KAT6B: variants seen among roughly 807,000 people sequenced by gnomAD.
KAT6B encodes the protein histone acetyltransferase KAT6B.
A neutral mutation model predicts 187.5 loss-of-function variants in KAT6B; 10 were observed. That is an observed-to-expected ratio of 0.05 (90% CI 0.03 to 0.09). The LOEUF (loss-of-function observed/expected upper bound fraction) is 0.09. KAT6B is among the 10% of genes least tolerant of loss of function. The pLI, the probability that KAT6B is intolerant of heterozygous loss-of-function variation, is 1.00. For missense variants in KAT6B, 1,952 were observed against 2,558.9 expected (o/e 0.76, Z 5.12); for synonymous variants, 861 against 926.8 (o/e 0.93, Z 1.29).
chr10:74,848,284 T>C (rs1156235174), intron 3 of KAT6B, among the ~76,000 whole-genome samples: 1 of 152,214 alleles, frequency 6.6e-6, no homozygotes, highest in African/African-American at 2.4e-5. Context: ...ATGGGCTAGA[T>C]GCGGCCCTGA....
chr10:74,952,689 T>A (rs922321028), intron 3 of KAT6B, among the ~76,000 whole-genome samples: 25 of 149,886 alleles, frequency 1.7e-4, no homozygotes, highest in Admixed American at 1.5e-3. Flanking sequence ...CACAGAAGAG[T>A]CTTTTTTTTT....
intron 3 of KAT6B, among the ~76,000 whole-genome samples, chr10:74,912,968 A>C (rs979639430): frequency 2.6e-5 from 4 of 152,190 alleles, no homozygotes; most frequent in African/African-American, 9.7e-5. Context: ...TGTTCAGTCA[A>C]TTGCAAAAAA....
At chr10:75,022,633 C>T (rs1470472573) in intron 16 of KAT6B, among the ~76,000 whole-genome samples, 1 of 152,204 alleles carries the variant, frequency 6.6e-6, no homozygotes, top group Non-Finnish European at 1.5e-5. Flanking sequence ...AATGCGTGCT[C>T]AAGACTCTAA....
intron 3 of KAT6B, among the ~76,000 whole-genome samples, chr10:74,889,038 A>G (rs898797932): frequency 7.2e-5 from 11 of 152,184 alleles, no homozygotes; most frequent in African/African-American, 2.7e-4. Flanking sequence ...ACTAATTTAA[A>G]CTCTTGGTGA....
chr10:74,837,529 AAG>A (rs1666891967), intron 1 of KAT6B, among the ~76,000 whole-genome samples: 1 of 152,242 alleles, frequency 6.6e-6, no homozygotes. Flanking sequence ...TGCTCTGAAA[AAG>A]AGAAATAGTG....
In KAT6B at chr10:74,978,355, A is replaced by G. The variant is rs1842296884; in HGVS notation, c.2116-869A>G. On this transcript the variant is annotated intron_variant, in intron 9 of 17. Coordinates refer to ENST00000287239, the MANE Select transcript of KAT6B (RefSeq NM_012330.4). ...AACCAGCCCAGGTTGGAAATGGAGC[A>G]GGTCAAAACTCCTACGTTGATCAGT... Among the ~76,000 whole-genome samples the G allele has an allele frequency of 2.6e-5, 4 of 152,364 alleles. No homozygotes were observed. The South Asian group carries it at 6.2e-4, about 24-fold the overall frequency.
chr10:74,898,043 G>A (rs1372637072), intron 3 of KAT6B, among the ~76,000 whole-genome samples: 1 of 151,988 alleles, frequency 6.6e-6, no homozygotes, highest in African/African-American at 2.4e-5. Flanking sequence ...GTGTTTGCTG[G>A]AATTTTTCTT....
chr10:75,006,541 C>T (rs1013646913), intron 13 of KAT6B, among the ~76,000 whole-genome samples: 2 of 152,116 alleles, frequency 1.3e-5, no homozygotes, highest in Non-Finnish European at 2.9e-5. Flanking sequence ...GCCTCACCTC[C>T]TAGACTCAAG....
chr10:74,949,887 A>G (rs1222942006), intron 3 of KAT6B, among the ~76,000 whole-genome samples: 2 of 152,216 alleles, frequency 1.3e-5, no homozygotes, highest in African/African-American at 4.8e-5. Flanking sequence ...CCTTACTGTC[A>G]CTTAAAATAT....
chr10:75,021,630 A>G (rs1845411776), intron 15 of KAT6B, among the ~76,000 whole-genome samples: 1 of 152,214 alleles, frequency 6.6e-6, no homozygotes, highest in South Asian at 2.1e-4. Flanking sequence ...TGAGCATGTA[A>G]TGTAGTGATA....
intron 13 of KAT6B, among the ~76,000 whole-genome samples, chr10:74,995,354 A>G (rs544950002): frequency 6.6e-6 from 1 of 152,150 alleles, no homozygotes; most frequent in African/African-American, 2.4e-5. Context: ...TTTGTTTTTT[A>G]TTTTATACTT....
chr10:74,997,080 G>T (rs1231559119), intron 13 of KAT6B, among the ~76,000 whole-genome samples: 1 of 151,872 alleles, frequency 6.6e-6, no homozygotes, highest in Non-Finnish European at 1.5e-5. Flanking sequence ...ATGGGCAGAG[G>T]ATCAGCTATG....
intron 3 of KAT6B, among the ~76,000 whole-genome samples, chr10:74,882,310 G>T (rs1254879014): frequency 6.6e-6 from 1 of 152,000 alleles, no homozygotes; most frequent in African/African-American, 2.4e-5. Context: ...ATATTTTCTT[G>T]CATGTTTGAC....
intron 3 of KAT6B, among the ~76,000 whole-genome samples, chr10:74,958,689 A>T (rs117010394): frequency 7.2e-5 from 11 of 152,282 alleles, no homozygotes; most frequent in Non-Finnish European, 1.5e-4. Context: ...CAATTTTCAT[A>T]CGAGAGTTAA....
intron 3 of KAT6B, among the ~76,000 whole-genome samples, chr10:74,942,004 G>C (rs562617704): frequency 5.9e-5 from 9 of 152,222 alleles, no homozygotes; most frequent in South Asian, 2.1e-4. Context: ...ACAAAAATTA[G>C]CCAGGCATGG....
intron 3 of KAT6B, among the ~76,000 whole-genome samples, chr10:74,870,403 G>C (rs1415720900): frequency 6.6e-6 from 1 of 151,998 alleles, no homozygotes; most frequent in East Asian, 1.9e-4. Context: ...TTTAGAGTTG[G>C]GTAGCTTCTT....
At chr10:74,946,422 A>G (rs1257464265) in intron 3 of KAT6B, among the ~76,000 whole-genome samples, 4 of 152,248 alleles carry the variant, frequency 2.6e-5, no homozygotes, top group African/African-American at 9.6e-5. Context: ...ATGAAAGCAC[A>G]TATTCTAAAA....
intron 3 of KAT6B, among the ~76,000 whole-genome samples, chr10:74,859,512 A>G (rs976432135): frequency 1.3e-5 from 2 of 152,340 alleles, no homozygotes; most frequent in Middle Eastern, 3.4e-3. Context: ...AGTTTTTAGT[A>G]AAAATTCAGA....
intron 4 of KAT6B, 90 bp from the exon 5 acceptor site, chr10:74,969,570 C>T (rs1018160874): frequency 1.7e-5 from 13 of 759,120 alleles, no homozygotes; most frequent in Non-Finnish European, 3.1e-5. Context: ...TGGCTAGCCT[C>T]ATCAGCTATC....
Sources: gnomAD v4.1 joint callset for allele counts (sites outside exome capture counted in the v4.1 genomes callset) on GRCh38, gnomAD v4.1.1 for gene constraint, MANE v1.5 for transcripts, NCBI Gene and HGNC (gene_info 2026-07-23, HGNC 2026-07-21) for gene names.